Variants in FSIP1 observed in about 807,000 individuals in gnomAD.
FSIP1 encodes fibrous sheath-interacting protein 1.
Under a neutral mutation model 60.9 loss-of-function variants are expected in FSIP1, and 65 were observed. The ratio of observed to expected loss-of-function variants is 1.07; its 90% CI spans 0.87 to 1.31. The LOEUF is 1.31. FSIP1 is among the 40% of genes most tolerant of loss of function. The pLI is 0.00. For synonymous variants in FSIP1, 209 were observed against 221.2 expected (o/e 0.94, Z 0.49); for missense variants, 675 against 665.5 (o/e 1.01, Z -0.16).
intron 10 of FSIP1, among the ~76,000 whole-genome samples, chr15:39,623,665 T>A (rs529302165): frequency 1.3e-5 from 2 of 152,266 alleles, no homozygotes; most frequent in East Asian, 3.9e-4. Flanking sequence ...GAAACCCTTA[T>A]GTCAAAAAAA....
intron 10 of FSIP1, among the ~76,000 whole-genome samples, chr15:39,690,812 G>A (rs185525345): frequency 1.3e-5 from 2 of 152,156 alleles, no homozygotes; most frequent in African/African-American, 2.4e-5. Context: ...TCAAAGGATC[G>A]ATACTGTGCC....
chr15:39,605,435 T>C (rs554756950), intron 11 of FSIP1, among the ~76,000 whole-genome samples: 1 of 152,356 alleles, frequency 6.6e-6, no homozygotes, highest in South Asian at 2.1e-4. Flanking sequence ...CCGGGAAGTA[T>C]CACCAGGGAT....
intron 10 of FSIP1, among the ~76,000 whole-genome samples, chr15:39,695,810 T>C (rs1894791127): frequency 6.6e-6 from 1 of 152,260 alleles, no homozygotes; most frequent in Non-Finnish European, 1.5e-5. Context: ...TTACTACTTC[T>C]TGCTAACATT....
chr15:39,676,787 G>C (rs1244485135), intron 10 of FSIP1, among the ~76,000 whole-genome samples: 1 of 151,506 alleles, frequency 6.6e-6, no homozygotes, highest in African/African-American at 2.5e-5. Flanking sequence ...AGATGCTGGA[G>C]AATCTGTAAA....
chr15:39,639,311 T>C (rs554653658), intron 10 of FSIP1, among the ~76,000 whole-genome samples: 6 of 152,314 alleles, frequency 3.9e-5, no homozygotes, highest in Admixed American at 2.6e-4. Flanking sequence ...CTTGTTCCTC[T>C]GACTACCTTT....
intron 10 of FSIP1, among the ~76,000 whole-genome samples, chr15:39,712,682 G>A (rs1414921614): frequency 2.6e-5 from 4 of 152,164 alleles, no homozygotes; most frequent in African/African-American, 9.7e-5. Context: ...GTATCCAGCT[G>A]AAAACATTCT....
chr15:39,642,082 G>A (rs1892393355), intron 10 of FSIP1, among the ~76,000 whole-genome samples: 2 of 152,092 alleles, frequency 1.3e-5, no homozygotes, highest in African/African-American at 2.4e-5. Context: ...CTTGTCAAGA[G>A]TTAATGAAAC....
At chr15:39,628,709 C>A (rs1339868297) in intron 10 of FSIP1, among the ~76,000 whole-genome samples, 2 of 152,212 alleles carry the variant, frequency 1.3e-5, no homozygotes, top group East Asian at 3.8e-4. Context: ...CCCTTACCAA[C>A]AGCAGAAGTT....
intron 2 of FSIP1, among the ~76,000 whole-genome samples, chr15:39,776,165 G>A (rs1244544442): frequency 9.8e-6 from 1 of 101,868 alleles, no homozygotes; most frequent in African/African-American, 3.4e-5. Flanking sequence ...GAGGGGAGGA[G>A]CAGAGGGAGG....
At chr15:39,663,565 T>C (rs1893384452) in intron 10 of FSIP1, among the ~76,000 whole-genome samples, 1 of 152,034 alleles carries the variant, frequency 6.6e-6, no homozygotes, top group African/African-American at 2.4e-5. Context: ...ATCAAAACAA[T>C]AGGAACTGTA....
chr15:39,625,642 G>A lies in FSIP1; in HGVS notation c.1189-7397C>T, dbSNP rs73393203. Reference sequence around the variant, plus strand: ...CTGAGCAAGTCGCCGGAATGGCCCTGTTATCACATGTCTATCACTTCCTTT... The same window carrying A: ...CTGAGCAAGTCGCCGGAATGGCCCTATTATCACATGTCTATCACTTCCTTT... On this transcript the variant is annotated intron_variant, in intron 10 of 11. Coordinates refer to ENST00000350221, the MANE Select transcript of FSIP1 (RefSeq NM_152597.5). Among the ~76,000 whole-genome samples, 961 of 152,290 alleles carry A rather than the reference G, an allele frequency of 6.3e-3. 11 individuals carry two copies. The highest frequency in any genetic ancestry group is 0.022 in the African/African-American group (905 of 41,560).
intron 9 of FSIP1, among the ~76,000 whole-genome samples, chr15:39,716,839 G>A (rs111334200): frequency 0.15 from 18,222 of 124,394 alleles, 1,385 homozygotes; most frequent in African/African-American, 0.24. Context: ...TTTTTGAGAC[G>A]GAGTCTCGCT....
At chr15:39,728,867 T>C (rs748413820) in intron 8 of FSIP1, among the ~76,000 whole-genome samples, 4 of 151,934 alleles carry the variant, frequency 2.6e-5, no homozygotes, top group African/African-American at 7.3e-5. Flanking sequence ...TCAACAAAGG[T>C]CTAATATCCA....
At chr15:39,629,139 A>G (rs1232956379) in intron 10 of FSIP1, among the ~76,000 whole-genome samples, 1 of 152,104 alleles carries the variant, frequency 6.6e-6, no homozygotes, top group African/African-American at 2.4e-5. Context: ...AGCTTTATGG[A>G]CGATCTCACA....
At chr15:39,686,231 C>A (rs1894369056) in intron 10 of FSIP1, among the ~76,000 whole-genome samples, 1 of 152,314 alleles carries the variant, frequency 6.6e-6, no homozygotes, top group East Asian at 1.9e-4. Flanking sequence ...TAGGTGGCAC[C>A]TTCACACTGC....
At chr15:39,744,951 T>A (rs1232592324) in intron 5 of FSIP1, among the ~76,000 whole-genome samples, 2 of 151,782 alleles carry the variant, frequency 1.3e-5, no homozygotes, top group Non-Finnish European at 2.9e-5. Context: ...ACATACAACA[T>A]CAGCATCTGC....
chr15:39,739,567 A>G, intron 7 of FSIP1, 98 bp downstream of exon 7: 2 of 1,111,558 alleles, frequency 1.8e-6, no homozygotes, highest in Non-Finnish European at 1.3e-6. Flanking sequence ...TACATTTATG[A>G]TGGTTGAAAA....
In FSIP1 at chr15:39,717,524, C is replaced by T. The variant is rs1764898083; in HGVS notation, c.1051-3943G>A. ...TGCTCAAAGACTAACAGAGGACACA[C>T]TTAGAGCCACTCTACTCAGAAGGTT... On this transcript the variant is annotated intron_variant, in intron 9 of 11. Coordinates refer to ENST00000350221, the MANE Select transcript of FSIP1 (RefSeq NM_152597.5). Among the ~76,000 whole-genome samples, 4 of 152,214 alleles carry T rather than the reference C, an allele frequency of 2.6e-5. No individual in the cohort carries two copies. The South Asian group carries it at 8.3e-4, about 32-fold the overall frequency.
intron 5 of FSIP1, among the ~76,000 whole-genome samples, chr15:39,763,449 G>A (rs985121730): frequency 2.0e-5 from 3 of 152,108 alleles, no homozygotes; most frequent in African/African-American, 4.8e-5. Context: ...AGGACAAATC[G>A]GTCATAGATT....
Sources: gnomAD v4.1 joint callset for allele counts (sites outside exome capture counted in the v4.1 genomes callset) on GRCh38, gnomAD v4.1.1 for gene constraint, MANE v1.5 for transcripts, NCBI Gene and HGNC (gene_info 2026-07-23, HGNC 2026-07-21) for gene names.